The following PRAG1 variants were observed in gnomAD, a reference collection of about 807,000 sequenced individuals.
The protein encoded by PRAG1 is PEAK1 related, kinase-activating pseudokinase 1.
A neutral mutation model predicts 95.6 loss-of-function variants in PRAG1; 110 were observed. The ratio of observed to expected loss-of-function variants is 1.15; its 90% CI spans 0.99 to 1.35. The LOEUF is 1.35. PRAG1 is among the 40% of genes most tolerant of loss of function. The pLI, the probability that PRAG1 is intolerant of heterozygous loss-of-function variation, is 0.00. For synonymous variants in PRAG1, 1,052 were observed against 819.4 expected (o/e 1.28, Z -4.85); for missense variants, 2,554 against 1,864.7 (o/e 1.37, Z -6.81).
chr8:8,370,818 A>G (rs1719644597), intron 3 of PRAG1, among the ~76,000 whole-genome samples: 2 of 152,144 alleles, frequency 1.3e-5, no homozygotes, highest in Admixed American at 1.3e-4. Flanking sequence ...CACTGTCACT[A>G]CCTGTCTACT....
intron 2 of PRAG1, among the ~76,000 whole-genome samples, chr8:8,379,192 G>A (rs1252113843): frequency 6.6e-6 from 1 of 152,148 alleles, no homozygotes; most frequent in East Asian, 1.9e-4. Context: ...TTCTTTCTGT[G>A]CTTTGCTTCC....
At chr8:8,374,362 T>C (rs1156522371) in intron 3 of PRAG1, among the ~76,000 whole-genome samples, 1 of 152,216 alleles carries the variant, frequency 6.6e-6, no homozygotes, top group Non-Finnish European at 1.5e-5. Flanking sequence ...TACCCAGGAC[T>C]GAGGCAGGCA....
intron 3 of PRAG1, among the ~76,000 whole-genome samples, chr8:8,342,647 C>T (rs1585238580): frequency 6.6e-6 from 1 of 152,082 alleles, no homozygotes; most frequent in Non-Finnish European, 1.5e-5. Context: ...TTCCAGGACA[C>T]AGACCCAAGA....
chr8:8,335,547 T>TA (rs147426243), intron 4 of PRAG1, among the ~76,000 whole-genome samples: 14,065 of 151,520 alleles, frequency 0.093, 785 homozygotes, highest in Middle Eastern at 0.13. Flanking sequence ...TGAATTTTTA[T>TA]AAAAAAAAAG....
At position 8,350,895 on chromosome 8, in the gene PRAG1, A is replaced by AATGG. The variant is rs61665217; in HGVS notation, c.2163-11264_2163-11261dup. The stretch of plus-strand genomic sequence containing the variant: ...CCATGTACATAGAAAGTGCTCGTTA[A>AATGG]ATGGATGGATGGATGGATGGATGGA... On this transcript the variant is annotated intron_variant, in intron 3 of 5. Transcript: ENST00000615670. Among the ~76,000 whole-genome samples the AATGG allele has an allele frequency of 5.4e-3, 805 of 149,558 alleles. 5 individuals carry two copies. Among genetic ancestry groups the AATGG allele is most frequent in the South Asian group, 0.014 (66 of 4,606 alleles).
intron 3 of PRAG1, among the ~76,000 whole-genome samples, chr8:8,348,925 T>G (rs1799431190): frequency 6.6e-6 from 1 of 152,230 alleles, no homozygotes; most frequent in African/African-American, 2.4e-5. Flanking sequence ...AGTTCTTGAT[T>G]AAGTTTATCT....
At chr8:8,322,730 C>A (rs1003639696) in intron 5 of PRAG1, among the ~76,000 whole-genome samples, 3 of 152,164 alleles carry the variant, frequency 2.0e-5, no homozygotes, top group Non-Finnish European at 4.4e-5. Context: ...TCTCCATAAC[C>A]CCTTCTCATA....
chr8:8,360,898 G>A (rs1799824694), intron 3 of PRAG1, among the ~76,000 whole-genome samples: 1 of 152,134 alleles, frequency 6.6e-6, no homozygotes, highest in East Asian at 1.9e-4. Context: ...TTCCTGAGCA[G>A]GGAATTTGTA....
At position 8,373,456 on chromosome 8, in the gene PRAG1, T is replaced by TG. The variant is rs1563253629; in HGVS notation, c.2162+2790_2162+2791insC. Among the ~76,000 whole-genome samples, 17 of 140,292 alleles carry TG rather than the reference T, an allele frequency of 1.2e-4. 1 individual carries two copies. The highest frequency in any genetic ancestry group is 3.6e-4 in the African/African-American group (12 of 33,726). 92.0% of individuals were successfully genotyped at this position (140,292 alleles called of 152,430 possible). On this transcript the variant is annotated intron_variant, in intron 3 of 5. Coordinates refer to ENST00000615670, the MANE Select transcript of PRAG1 (RefSeq NM_001080826.3). ...CTTAAGCTAATTTTATTTTCTAGAT[T>TG]TTTTTTTTTTTGAGACAGGGTCTTG...
chr8:8,368,275 A>G (rs1800077764), intron 3 of PRAG1, among the ~76,000 whole-genome samples: 1 of 152,218 alleles, frequency 6.6e-6, no homozygotes, highest in Non-Finnish European at 1.5e-5. Flanking sequence ...AGCTGTTTAT[A>G]TAAGTCTGCC....
chr8:8,341,875 G>A (rs1799178071), intron 3 of PRAG1, among the ~76,000 whole-genome samples: 1 of 152,216 alleles, frequency 6.6e-6, no homozygotes, highest in African/African-American at 2.4e-5. Flanking sequence ...GCTCCCTCCT[G>A]TAATCCCAGC....
At position 8,367,815 on chromosome 8, in the gene PRAG1, G is replaced by C. The variant is rs1159233538; in HGVS notation, c.2162+8432C>G. On this transcript the variant is annotated intron_variant, in intron 3 of 5. Transcript: ENST00000615670. ...TGCCACCATGCCCAGCTAATTTTTT[G>C]TATTTTTAGTAGAGACGGGGTTTCA... Among the ~76,000 whole-genome samples the C allele has an allele frequency of 5.3e-5, 8 of 151,980 alleles. 1 individual carries two copies. The highest frequency in any genetic ancestry group is 1.5e-5 in the Non-Finnish European group (1 of 67,994).
At chr8:8,361,827 T>C (rs187269260) in intron 3 of PRAG1, among the ~76,000 whole-genome samples, 1 of 152,358 alleles carries the variant, frequency 6.6e-6, no homozygotes, top group African/African-American at 2.4e-5. Flanking sequence ...TACTTAATCA[T>C]CTACTGCTTC....
At chr8:8,337,171 G>A (rs1392646223) in intron 4 of PRAG1, among the ~76,000 whole-genome samples, 4 of 152,188 alleles carry the variant, frequency 2.6e-5, no homozygotes, top group Admixed American at 6.5e-5. Context: ...TAGAAAGGCA[G>A]ACACTACATT....
In PRAG1 at chr8:8,376,520, G is replaced by C; in HGVS notation, c.1889C>G (p.Ala630Gly). The C allele has an allele frequency of 6.2e-7, 1 of 1,609,956 alleles. No homozygotes were observed. The highest frequency in any genetic ancestry group is 8.5e-7 in the Non-Finnish European group (1 of 1,177,228). The stretch of plus-strand genomic sequence containing the variant: ...CCGGCACTGACGACTCCAGGTGCCT[G>C]CCTGGAACCTGGGCCGCCTCTGTTC... ...ASEQRRPRFQ[A>G]GTWSRQCRIE... The change falls in exon 3 of 6, where the codon GCA (alanine) becomes GGA (glycine). Residue 630 changes from alanine to glycine, a missense_variant. Coordinates refer to ENST00000615670, the MANE Select transcript of PRAG1 (RefSeq NM_001080826.3).
chr8:8,347,618 C>T (rs1486640270), intron 3 of PRAG1, among the ~76,000 whole-genome samples: 1 of 152,126 alleles, frequency 6.6e-6, no homozygotes, highest in Non-Finnish European at 1.5e-5. Context: ...CCTGTGTTAC[C>T]TGCAGTGGAT....
intron 3 of PRAG1, among the ~76,000 whole-genome samples, chr8:8,358,739 A>C (rs1269460734): frequency 6.6e-6 from 1 of 152,262 alleles, no homozygotes; most frequent in Non-Finnish European, 1.5e-5. Context: ...AAAGAGACAC[A>C]GGAATATTTA....
At chr8:8,338,737 T>C (rs1799071400) in intron 4 of PRAG1, among the ~76,000 whole-genome samples, 1 of 152,188 alleles carries the variant, frequency 6.6e-6, no homozygotes, top group Non-Finnish European at 1.5e-5. Flanking sequence ...TGTCATTGCC[T>C]ATTGAGAAGA....
chr8:8,380,669 C>T (rs775425309), intron 2 of PRAG1, among the ~76,000 whole-genome samples: 8 of 151,920 alleles, frequency 5.3e-5, no homozygotes, highest in Non-Finnish European at 8.8e-5. Context: ...TCCTGGCCAA[C>T]GTGGTGAAAC....
Sources: gnomAD v4.1 joint callset for allele counts (sites outside exome capture counted in the v4.1 genomes callset) on GRCh38, gnomAD v4.1.1 for gene constraint, MANE v1.5 for transcripts, NCBI Gene and HGNC (gene_info 2026-07-23, HGNC 2026-07-21) for gene names.